CDKL4: variants seen among roughly 807,000 people sequenced by gnomAD.
CDKL4 encodes cyclin-dependent kinase-like 4.
In CDKL4, 44 loss-of-function variants were observed where a neutral mutation model predicts 42.0. That is an observed-to-expected ratio of 1.05 (90% CI 0.82 to 1.35). The LOEUF (loss-of-function observed/expected upper bound fraction) is 1.35. Among genes scored for constraint, CDKL4 ranks in the 40% most tolerant of loss-of-function variants. The pLI, the probability that CDKL4 is intolerant of heterozygous loss-of-function variation, is 0.00. For missense variants in CDKL4, 393 were observed against 369.9 expected (o/e 1.06, Z -0.51); for synonymous variants, 120 against 121.6 (o/e 0.99, Z 0.09).
chr2:39,193,358 T>C (rs962206690), intron 5 of CDKL4, among the ~76,000 whole-genome samples: 9 of 140,248 alleles, frequency 6.4e-5, no homozygotes, highest in African/African-American at 2.5e-4. Context: ...ATTTATAAAA[T>C]TATTATTATT....
At chr2:39,225,404 C>CAAA (rs3086271) in intron 3 of CDKL4, among the ~76,000 whole-genome samples, 21 of 122,954 alleles carry the variant, frequency 1.7e-4, no homozygotes, top group African/African-American at 5.0e-4. Context: ...GACTCCATCT[C>CAAA]AAAAAAAAAA....
Position 39,229,312 on chromosome 2 carries a change from T to A in CDKL4, c.168+53A>T. ...TTTAAAATTCTTTGCAATTTTAACA[T>A]GCATATTTCACTCAATTCCATGATA... On this transcript the variant is annotated intron_variant, in intron 2 of 9. Transcript: ENST00000451199. 3.1e-6 allele frequency: 4 copies of A among 1,280,702 alleles called. No homozygotes were observed. In the South Asian group the frequency reaches 5.9e-5, roughly 19 times the overall value. 79.3% of individuals were successfully genotyped at this position (1,280,702 alleles called of 1,614,324 possible). A position where few individuals can be genotyped will look rare whatever the true frequency, so the allele number is the denominator to read the frequency against.
At chr2:39,194,755 CT>C (rs1465012925) in intron 5 of CDKL4, among the ~76,000 whole-genome samples, 1 of 152,040 alleles carries the variant, frequency 6.6e-6, no homozygotes, top group African/African-American at 2.4e-5. Context: ...TTTTATCTCT[CT>C]GTGTATATCT....
intron 3 of CDKL4, among the ~76,000 whole-genome samples, chr2:39,214,848 C>T (rs890869498): frequency 6.6e-6 from 1 of 152,182 alleles, no homozygotes; most frequent in African/African-American, 2.4e-5. Flanking sequence ...CTGGCAGACT[C>T]ATCCCTCTGT....
chr2:39,177,333 G>A (rs1477133774), intron 9 of CDKL4, among the ~76,000 whole-genome samples: 2 of 152,038 alleles, frequency 1.3e-5, no homozygotes, highest in African/African-American at 4.8e-5. Flanking sequence ...TGATTAGGGG[G>A]ACCAGGAGTC....
downstream of CDKL4, among the ~76,000 whole-genome samples, chr2:39,171,375 G>T (rs1674996392): frequency 6.6e-6 from 1 of 151,928 alleles, no homozygotes; most frequent in Non-Finnish European, 1.5e-5. Flanking sequence ...CATCCCCCAA[G>T]AACTTAGTTT....
intron 1 of CDKL4, among the ~76,000 whole-genome samples, chr2:39,233,136 C>T (rs1389739653): frequency 1.3e-5 from 2 of 151,182 alleles, no homozygotes; most frequent in Non-Finnish European, 2.9e-5. Flanking sequence ...CACTGTAAAC[C>T]TTGGCAGAAC....
chr2:39,206,464 G>C (rs1677195668), intron 4 of CDKL4, among the ~76,000 whole-genome samples: 1 of 152,226 alleles, frequency 6.6e-6, no homozygotes, highest in East Asian at 1.9e-4. Context: ...CTCCTCGCTG[G>C]ACAGGAGCGG....
intron 1 of CDKL4, among the ~76,000 whole-genome samples, chr2:39,243,462 T>C (rs1679764335): frequency 1.3e-5 from 2 of 152,246 alleles, no homozygotes; most frequent in Non-Finnish European, 2.9e-5. Context: ...GATAAAGTAA[T>C]TTTGTTTAAA....
chr2:39,216,437 G>C (rs949685439), intron 3 of CDKL4, among the ~76,000 whole-genome samples: 10 of 152,162 alleles, frequency 6.6e-5, no homozygotes, highest in African/African-American at 2.4e-4. Context: ...CGGAGATCTA[G>C]ATCTCAATAA....
At chr2:39,216,910 C>G (rs914299960) in intron 3 of CDKL4, among the ~76,000 whole-genome samples, 1 of 152,160 alleles carries the variant, frequency 6.6e-6, no homozygotes, top group African/African-American at 2.4e-5. Context: ...TTAAAGGCAT[C>G]TCACAGGAAG....
chr2:39,192,188 T>C (rs1676225557), intron 5 of CDKL4, among the ~76,000 whole-genome samples: 1 of 152,244 alleles, frequency 6.6e-6, no homozygotes, highest in South Asian at 2.1e-4. Context: ...GCTGTTTTAT[T>C]TGTTTGGAAC....
chr2:39,173,235 T>C (rs557809252), downstream of CDKL4, among the ~76,000 whole-genome samples: 2 of 152,310 alleles, frequency 1.3e-5, no homozygotes, highest in Non-Finnish European at 1.5e-5. Context: ...GAGATATATA[T>C]TTAAGATAGC....
intron 5 of CDKL4, among the ~76,000 whole-genome samples, chr2:39,199,035 T>A (rs1178624979): frequency 6.6e-6 from 1 of 151,834 alleles, no homozygotes; most frequent in Non-Finnish European, 1.5e-5. Context: ...CCACAAAAGA[T>A]AAATGAAACA....
intron 8 of CDKL4, among the ~76,000 whole-genome samples, chr2:39,183,948 TAGATC>T (rs1675583531): frequency 6.6e-6 from 1 of 152,216 alleles, no homozygotes; most frequent in Non-Finnish European, 1.5e-5. Flanking sequence ...CCCCACCGTC[TAGATC>T]AGATGAGTCT....
intron 3 of CDKL4, among the ~76,000 whole-genome samples, chr2:39,225,243 T>C (rs548393997): frequency 6.6e-6 from 1 of 152,018 alleles, no homozygotes; most frequent in East Asian, 1.9e-4. Context: ...CTACTAAAAA[T>C]ACAAAAATTA....
chr2:39,196,293 C>A (rs1238446069), intron 5 of CDKL4, among the ~76,000 whole-genome samples: 1 of 152,236 alleles, frequency 6.6e-6, no homozygotes, highest in African/African-American at 2.4e-5. Flanking sequence ...TCTACCAGAG[C>A]AGGTGCTGGT....
chr2:39,208,203 A>C (rs1275399372), intron 4 of CDKL4, among the ~76,000 whole-genome samples: 1 of 152,186 alleles, frequency 6.6e-6, no homozygotes, highest in East Asian at 1.9e-4. Context: ...GACATACAGC[A>C]TTCACCTACT....
chr2:39,190,493 T>A (rs763914040), exon 6 of CDKL4: 1 of 1,613,852 alleles, frequency 6.2e-7, no homozygotes, highest in African/African-American at 1.3e-5. Flanking sequence ...GGTGTAGGCA[T>A]CTCCTGGAAC....
Sources: gnomAD v4.1 joint callset for allele counts (sites outside exome capture counted in the v4.1 genomes callset) on GRCh38, gnomAD v4.1.1 for gene constraint, MANE v1.5 for transcripts, NCBI Gene and HGNC (gene_info 2026-07-23, HGNC 2026-07-21) for gene names.